The following PTPRM variants were observed in gnomAD, a reference collection of about 807,000 sequenced individuals.
PTPRM encodes receptor-type tyrosine-protein phosphatase mu.
Under a neutral mutation model 186.7 loss-of-function variants are expected in PTPRM, and 47 were observed. That is an observed-to-expected ratio of 0.25 (90% CI 0.20 to 0.32). The LOEUF (loss-of-function observed/expected upper bound fraction) is 0.32. Among genes scored for constraint, PTPRM ranks in the 10% least tolerant of loss-of-function variants. PTPRM has a pLI of 1.00. For synonymous variants in PTPRM, 668 were observed against 674.9 expected (o/e 0.99, Z 0.16); for missense variants, 1,494 against 1,865.0 (o/e 0.80, Z 3.66).
At chr18:7,940,024 C>T (rs989660119) in intron 5 of PTPRM, among the ~76,000 whole-genome samples, 11 of 152,220 alleles carry the variant, frequency 7.2e-5, no homozygotes, top group African/African-American at 2.4e-4. Context: ...GTGTCACTGT[C>T]ATGGGGAAAG....
chr18:7,881,018 A>G (rs75722908), intron 2 of PTPRM, among the ~76,000 whole-genome samples: 4,103 of 152,288 alleles, frequency 0.027, 82 homozygotes, highest in Non-Finnish European at 0.039. Flanking sequence ...TACATGCAGT[A>G]CATATATACA....
chr18:8,404,062 G>A (rs1449178579), intron 32 of PTPRM: 1 of 152,142 alleles, frequency 6.6e-6, no homozygotes, highest in Non-Finnish European at 1.5e-5. Context: ...TTCCTTAGGT[G>A]TACACCCAGT....
At chr18:7,822,567 G>T (rs969376250) in intron 2 of PTPRM, among the ~76,000 whole-genome samples, 5 of 152,198 alleles carry the variant, frequency 3.3e-5, no homozygotes, top group Admixed American at 1.3e-4. Context: ...CAGGCTCTTT[G>T]ATGTGTTCTG....
chr18:7,868,816 G>C (rs2047842453), intron 2 of PTPRM, among the ~76,000 whole-genome samples: 1 of 152,182 alleles, frequency 6.6e-6, no homozygotes, highest in South Asian at 2.1e-4. Flanking sequence ...CTTCCTCCAG[G>C]TGCTCTGTCC....
At chr18:8,250,248 C>CTGGA (rs895895821) in intron 17 of PTPRM, among the ~76,000 whole-genome samples, 24 of 151,948 alleles carry the variant, frequency 1.6e-4, no homozygotes, top group East Asian at 5.8e-4. Flanking sequence ...GGTTGGATAG[C>CTGGA]TGGATGGATG....
At chr18:8,101,277 A>G (rs1466241713) in intron 11 of PTPRM, among the ~76,000 whole-genome samples, 1 of 152,226 alleles carries the variant, frequency 6.6e-6, no homozygotes, top group Non-Finnish European at 1.5e-5. Context: ...AGCTGGGAGA[A>G]TTAGTGACCT....
At chr18:8,091,332 G>A (rs774540123) in intron 11 of PTPRM, among the ~76,000 whole-genome samples, 4 of 152,146 alleles carry the variant, frequency 2.6e-5, no homozygotes, top group Non-Finnish European at 4.4e-5. Context: ...GAATTTGCCA[G>A]GGGCACTTTG....
chr18:7,910,640 C>T (rs1407327962), intron 4 of PTPRM, among the ~76,000 whole-genome samples: 2 of 152,100 alleles, frequency 1.3e-5, no homozygotes, highest in Non-Finnish European at 2.9e-5. Flanking sequence ...TGATTGGTTG[C>T]AGAAAGTGAC....
chr18:8,189,545 A>G (rs955736226), intron 14 of PTPRM, among the ~76,000 whole-genome samples: 2 of 152,222 alleles, frequency 1.3e-5, no homozygotes, highest in African/African-American at 4.8e-5. Flanking sequence ...AAATAAAGCC[A>G]TAGAAAGTTT....
intron 20 of PTPRM, among the ~76,000 whole-genome samples, chr18:8,308,293 G>C (rs2095241971): frequency 1.3e-5 from 2 of 152,196 alleles, no homozygotes; most frequent in Admixed American, 1.3e-4. Context: ...CTAGGCATCT[G>C]CCTTATTTGA....
intron 7 of PTPRM, among the ~76,000 whole-genome samples, chr18:8,000,032 G>T (rs1308334554): frequency 6.6e-6 from 1 of 152,188 alleles, no homozygotes; most frequent in African/African-American, 2.4e-5. Context: ...CAGTTCAGAA[G>T]CGGTCAGGCA....
At chr18:8,372,280 T>C (rs1218184579) in intron 24 of PTPRM, among the ~76,000 whole-genome samples, 1 of 143,440 alleles carries the variant, frequency 7.0e-6, no homozygotes, top group Non-Finnish European at 1.5e-5. Context: ...TTCACCTTGT[T>C]AGCCAGGATG....
chr18:8,185,126 A>G (rs2093625011), intron 14 of PTPRM, among the ~76,000 whole-genome samples: 1 of 152,150 alleles, frequency 6.6e-6, no homozygotes, highest in Non-Finnish European at 1.5e-5. Context: ...ATAGAATTAA[A>G]CCCACTAATT....
At chr18:7,909,587 A>T (rs540661506) in intron 4 of PTPRM, among the ~76,000 whole-genome samples, 6 of 151,552 alleles carry the variant, frequency 4.0e-5, no homozygotes, top group African/African-American at 1.4e-4. Context: ...TCAGGATTTC[A>T]TAATAATGAA....
At chr18:7,926,794 C>T (rs995102270) in intron 5 of PTPRM, 111 bp downstream of exon 5, 30 of 628,006 alleles carry the variant, frequency 4.8e-5, no homozygotes, top group Non-Finnish European at 7.0e-5. Context: ...GAGTTTCCTT[C>T]TTTGTTAATA....
chr18:7,738,340 A>C (rs1355804546), intron 1 of PTPRM, among the ~76,000 whole-genome samples: 1 of 152,210 alleles, frequency 6.6e-6, no homozygotes, highest in Admixed American at 6.5e-5. Context: ...TTCCCTGCAG[A>C]AAGTTGTTTA....
rs760897331 is a variant in PTPRM at position 8,088,763 on chromosome 18, G to T, written c.1768G>T (p.Ala590Ser). ...TTKISAPSMP[A>S]YELETPLNQT... ...TTTTTCCCCAGCACCCTCTATGCCA[G>T]CTTATGAACTTGAGACACCTTTGAA... is the stretch of plus-strand genomic sequence containing the variant. Residue 590 changes from alanine to serine, a missense_variant, in exon 11 of 33, where the codon GCT (alanine) becomes TCT (serine). Ala to Ser is a moderately conservative substitution (Grantham distance 99, BLOSUM62 1). This residue lies in a region of PTPRM where 1,107 missense variants were observed against 1,350.2 expected (regional missense o/e 0.82). Transcript: ENST00000580170. The T allele has an allele frequency of 5.0e-5, 81 of 1,612,360 alleles. 1 individual carries two copies. The South Asian group carries it at 7.7e-4, about 15-fold the overall frequency.
intron 9 of PTPRM, among the ~76,000 whole-genome samples, chr18:8,080,796 G>A (rs968351982): frequency 6.6e-6 from 1 of 152,038 alleles, no homozygotes. Flanking sequence ...TTTTTCTTCT[G>A]GAACTCAATG....
intron 2 of PTPRM, among the ~76,000 whole-genome samples, chr18:7,834,126 T>C (rs1280156713): frequency 6.6e-6 from 1 of 152,148 alleles, no homozygotes; most frequent in Non-Finnish European, 1.5e-5. Context: ...GATTTTTCTA[T>C]GATTTTTATC....
Sources: allele counts gnomAD v4.1 joint callset (sites outside exome capture counted in the v4.1 genomes callset), GRCh38; gene constraint gnomAD v4.1.1; regional missense constraint gnomAD v4.1.1; transcripts MANE v1.5; gene names NCBI Gene and HGNC (gene_info 2026-07-23, HGNC 2026-07-21).